The following CNTNAP5 variants were observed in gnomAD, a reference collection of about 807,000 sequenced individuals.
The protein encoded by CNTNAP5 is contactin-associated protein-like 5.
Under a neutral mutation model 150.2 loss-of-function variants are expected in CNTNAP5, and 72 were observed. The observed-to-expected ratio is 0.48, with a 90% CI of 0.40 to 0.58. The LOEUF (loss-of-function observed/expected upper bound fraction) is 0.58. Among genes scored for constraint, CNTNAP5 ranks in the 20% least tolerant of loss-of-function variants. CNTNAP5 has a pLI of 0.00. For missense variants in CNTNAP5, 1,636 were observed against 1,626.2 expected, an observed-to-expected ratio of 1.01 and a Z score of -0.10; for synonymous variants, 672 against 619.8, an observed-to-expected ratio of 1.08 and a Z score of -1.25.
At chr2:124,208,173 A>G (rs1375316174) in intron 1 of CNTNAP5, among the ~76,000 whole-genome samples, 1 of 152,178 alleles carries the variant, frequency 6.6e-6, no homozygotes, top group Non-Finnish European at 1.5e-5. Context: ...GAAGAATCCT[A>G]TTTAATATCA....
At chr2:124,817,581 G>A (rs1386163819) in intron 19 of CNTNAP5, among the ~76,000 whole-genome samples, 2 of 152,136 alleles carry the variant, frequency 1.3e-5, no homozygotes, top group East Asian at 1.9e-4. Flanking sequence ...AGTCTTGAGA[G>A]GCTATAAAAC....
At chr2:124,831,960 A>G (rs1466599830) in intron 19 of CNTNAP5, among the ~76,000 whole-genome samples, 1 of 152,128 alleles carries the variant, frequency 6.6e-6, no homozygotes, top group Non-Finnish European at 1.5e-5. Flanking sequence ...AAAATTAAAT[A>G]CATGAGTATT....
intron 13 of CNTNAP5, among the ~76,000 whole-genome samples, chr2:124,660,080 A>T (rs910066492): frequency 3.7e-5 from 5 of 134,388 alleles, no homozygotes; most frequent in Admixed American, 2.3e-4. Flanking sequence ...GGAAGGAAGG[A>T]AGGGAGGGAG....
rs369626709 is a variant in CNTNAP5 at position 124,647,723 on chromosome 2, A to G, written c.1877-35A>G. On this transcript the variant is annotated intron_variant, in intron 12 of 23. Coordinates refer to ENST00000682447, the MANE Select transcript of CNTNAP5 (RefSeq NM_001367498.1). ...ATGCTCCATTTTTGACATTGCTTCTAACGTCTCTTGCTTTGTGTTGTGTTG... is the reference window on the plus strand; with the variant it reads ...ATGCTCCATTTTTGACATTGCTTCTGACGTCTCTTGCTTTGTGTTGTGTTG... 4 of 1,538,840 alleles carry G rather than the reference A, an allele frequency of 2.6e-6. No individual in the cohort carries two copies. In the African/African-American group the frequency reaches 5.5e-5, roughly 21 times the overall value.
At chr2:124,358,380 C>T (rs1220704631) in intron 3 of CNTNAP5, among the ~76,000 whole-genome samples, 13 of 152,114 alleles carry the variant, frequency 8.5e-5, no homozygotes, top group African/African-American at 2.2e-4. Flanking sequence ...CTGTCTTGTG[C>T]CAGTTTTCAA....
intron 1 of CNTNAP5, among the ~76,000 whole-genome samples, chr2:124,066,396 A>G (rs548967140): frequency 2.0e-5 from 3 of 152,200 alleles, no homozygotes; most frequent in Non-Finnish European, 2.9e-5. Flanking sequence ...TAGTTAATCT[A>G]GTGATGAGTT....
At chr2:124,098,421 T>G (rs1320936457) in intron 1 of CNTNAP5, among the ~76,000 whole-genome samples, 1 of 152,100 alleles carries the variant, frequency 6.6e-6, no homozygotes, top group Non-Finnish European at 1.5e-5. Context: ...ACCTGTGTTG[T>G]TCAAGGGTGA....
chr2:124,042,513 A>C (rs2104632975), intron 1 of CNTNAP5, among the ~76,000 whole-genome samples: 1 of 152,300 alleles, frequency 6.6e-6, no homozygotes, highest in East Asian at 1.9e-4. Context: ...GGCACAGTGC[A>C]AAGAGGGACT....
At chr2:124,368,805 A>G (rs1690442748) in intron 3 of CNTNAP5, among the ~76,000 whole-genome samples, 1 of 152,162 alleles carries the variant, frequency 6.6e-6, no homozygotes, top group Non-Finnish European at 1.5e-5. Context: ...GTAGAAAATA[A>G]GAACAAAAAA....
chr2:124,729,755 A>G (rs1680232127), intron 13 of CNTNAP5, among the ~76,000 whole-genome samples: 2 of 152,186 alleles, frequency 1.3e-5, no homozygotes, highest in South Asian at 4.1e-4. Flanking sequence ...CACACCCTCT[A>G]TTTTGAGATA....
In CNTNAP5 at chr2:124,479,736, G is replaced by A. The variant is rs147146862; in HGVS notation, c.1062+4854G>A. Among the ~76,000 whole-genome samples the A allele has an allele frequency of 2.4e-3, 362 of 152,238 alleles. 2 individuals are homozygous for A. Among genetic ancestry groups the A allele is most frequent in the African/African-American group, 8.2e-3 (340 of 41,530 alleles). Reference sequence around the variant, plus strand: ...TTTTGTCCTAGAGGGAAACCCAAAGGTCTCACTTCAGTGTTCCTGGAAGCA... The same window carrying A: ...TTTTGTCCTAGAGGGAAACCCAAAGATCTCACTTCAGTGTTCCTGGAAGCA... On this transcript the variant is annotated intron_variant, in intron 7 of 23. Coordinates refer to ENST00000682447, the MANE Select transcript of CNTNAP5 (RefSeq NM_001367498.1).
At chr2:124,477,330 T>C (rs1693665411) in intron 7 of CNTNAP5, among the ~76,000 whole-genome samples, 1 of 152,138 alleles carries the variant, frequency 6.6e-6, no homozygotes, top group Non-Finnish European at 1.5e-5. Context: ...AATTTTTTTG[T>C]GTTTTGAGGT....
At chr2:124,187,228 G>A (rs1372205514) in intron 1 of CNTNAP5, among the ~76,000 whole-genome samples, 3 of 152,174 alleles carry the variant, frequency 2.0e-5, no homozygotes, top group Non-Finnish European at 2.9e-5. Flanking sequence ...TCCAAGACAT[G>A]ATTATGCTTT....
chr2:124,158,295 A>T (rs149511780), intron 1 of CNTNAP5, among the ~76,000 whole-genome samples: 1 of 152,336 alleles, frequency 6.6e-6, no homozygotes, highest in East Asian at 1.9e-4. Flanking sequence ...CTCTGTATCC[A>T]TGAAGGATTG....
At chr2:124,605,546 G>A (rs982980698) in intron 11 of CNTNAP5, among the ~76,000 whole-genome samples, 1 of 151,910 alleles carries the variant, frequency 6.6e-6, no homozygotes, top group Non-Finnish European at 1.5e-5. Context: ...GCTGAGTGTG[G>A]TGGCTCACAC....
rs572115331 is a variant in CNTNAP5, at chr2:124,131,069, G to A, written c.83-90636G>A. 3.9e-5 allele frequency among the ~76,000 whole-genome samples: 6 copies of A among 152,266 alleles called. No homozygotes were observed. In the South Asian group the frequency reaches 1.0e-3, roughly 26 times the overall value. ...GAAATTTAAACATTAGGGCAATCTA[G>A]TTAGCCAGTTTTCATTAATGTGAAT... is the stretch of plus-strand genomic sequence containing the variant. On this transcript the variant is annotated intron_variant, in intron 1 of 23. Coordinates refer to ENST00000682447, the MANE Select transcript of CNTNAP5 (RefSeq NM_001367498.1).
At chr2:124,469,623 G>A (rs1693456145) in intron 6 of CNTNAP5, among the ~76,000 whole-genome samples, 2 of 151,886 alleles carry the variant, frequency 1.3e-5, no homozygotes, top group East Asian at 3.9e-4. Flanking sequence ...GTGCAGGTTT[G>A]TCACATAGGT....
intron 3 of CNTNAP5, among the ~76,000 whole-genome samples, chr2:124,322,604 G>A (rs2553625): frequency 0.23 from 35,605 of 152,134 alleles, 4,452 homozygotes; most frequent in Middle Eastern, 0.29. Flanking sequence ...CAGGGTCATC[G>A]GTATGTGTGC....
In CNTNAP5 at chr2:124,524,393, C is replaced by T. The variant is rs1694918508; in HGVS notation, c.1418C>T (p.Pro473Leu). The change falls in exon 9 of 24, where the codon CCC becomes CTC. Residue 473 changes from proline (P) to leucine (L), a missense_variant. Pro to Leu is a moderately conservative substitution (Grantham distance 98, BLOSUM62 -3). Coordinates refer to ENST00000682447, the MANE Select transcript of CNTNAP5 (RefSeq NM_001367498.1). Reference protein sequence around the residue: ...ITLTLDDEAAPPAPDSTWVQI... With the variant: ...ITLTLDDEAALPAPDSTWVQI... Reference sequence around the variant, plus strand: ...CTCACTCTGGATGATGAAGCAGCACCCCCGGCTCCAGACAGCACTTGGGTG... The same window carrying T: ...CTCACTCTGGATGATGAAGCAGCACTCCCGGCTCCAGACAGCACTTGGGTG... 2 of 1,613,798 alleles carry T rather than the reference C, an allele frequency of 1.2e-6. No homozygotes were observed. The highest frequency in any genetic ancestry group is 1.3e-5 in the African/African-American group (1 of 75,032).
Sources: gnomAD v4.1 joint callset for allele counts (sites outside exome capture counted in the v4.1 genomes callset) on GRCh38, gnomAD v4.1.1 for gene constraint, MANE v1.5 for transcripts, NCBI Gene and HGNC (gene_info 2026-07-23, HGNC 2026-07-21) for gene names.